Variants in ZFP37 observed in about 807,000 individuals in gnomAD.
The protein encoded by ZFP37 is ZFP37 zinc finger protein.
ZFP37 carries 38 observed loss-of-function variants against 52.1 expected under a neutral mutation model. That is an observed-to-expected ratio of 0.73 (90% confidence interval 0.56 to 0.96). ZFP37 has a LOEUF of 0.96. Ranked by LOEUF, ZFP37 falls within the 40% of genes least tolerant of loss-of-function variation. The pLI is 0.00. For missense variants in ZFP37, 695 were observed against 741.4 expected (o/e 0.94, Z 0.73); for synonymous variants, 253 against 259.5 (o/e 0.98, Z 0.24).
At position 113,043,185 on chromosome 9, in the gene ZFP37, A is replaced by G. The variant is rs1003345642; in HGVS notation, c.1433T>C (p.Ile478Thr). 1 of 1,613,814 alleles carries G rather than the reference A, an allele frequency of 6.2e-7. No homozygotes were observed. The highest frequency in any genetic ancestry group is 1.3e-5 in the African/African-American group (1 of 75,048). The stretch of plus-strand genomic sequence containing the variant: ...CTCCTTAGTATGAGTTCTTTGATGT[A>G]TAATGAGGTGTGACTTCTTGCTGAA... The part of the protein sequence containing the change: ...KAFSKKSHLI[I>T]HQRTHTKEKP... The change falls in exon 4 of 4, where the codon ATA becomes ACA. Residue 478 changes from isoleucine (I) to threonine (T), a missense_variant. Transcript: ENST00000374227.
rs771033037 is a variant in ZFP37 at position 113,042,981 on chromosome 9, T to A, written c.1637A>T (p.Glu546Val). ...AAAGGCTTTCCCACATTCATTACAC[T>A]CATACGGTTTCTCTCCAGTATGAAC... ...QRVHTGEKPY[E>V]CNECGKAFSQ... Residue 546 changes from glutamate to valine, a missense_variant, in exon 4 of 4, where the codon GAG (glutamate) becomes GTG (valine). Transcript: ENST00000374227. 6.2e-7 allele frequency: 1 copy of A among 1,613,958 alleles called. No individual in the cohort carries two copies.
chr9:113,052,841 C>T lies in ZFP37; in HGVS notation c.133-2969G>A, dbSNP rs1829080187. Among the ~76,000 whole-genome samples the T allele has an allele frequency of 6.6e-6, 1 of 152,158 alleles. No individual in the cohort carries two copies. The highest frequency in any genetic ancestry group is 2.4e-5 in the African/African-American group (1 of 41,440). On this transcript the variant is annotated intron_variant, in intron 1 of 3. Coordinates refer to ENST00000374227, the MANE Select transcript of ZFP37 (RefSeq NM_003408.3). This position sits in a 1 kb window ranked among gnomAD's most constrained non-coding sequence, Gnocchi z 4.1. ...TGGGATCCTTCCTGAAATCTAATTTCCCAGATGACAGCAAAAAGCAGACCT... is the reference window on the plus strand; with the variant it reads ...TGGGATCCTTCCTGAAATCTAATTTTCCAGATGACAGCAAAAAGCAGACCT...
chr9:113,040,599 G>A lies in ZFP37; in HGVS notation c.*2126C>T, dbSNP rs1177337063. On this transcript the variant is annotated 3_prime_UTR_variant, in exon 4 of 4. Transcript: ENST00000374227. The stretch of plus-strand genomic sequence containing the variant: ...CTCTGAAATGAGGTCAGGAAGGAAG[G>A]AGCTTGAATGATAAATATTTGTAAA... 6.6e-6 allele frequency: 1 copy of A among 152,164 alleles called. No individual in the cohort carries two copies. The highest frequency in any genetic ancestry group is 1.5e-5 in the Non-Finnish European group (1 of 68,026). 9.4% of individuals were successfully genotyped at this position (152,164 alleles called of 1,614,324 possible).
chr9:113,042,632 C>G lies in ZFP37; in HGVS notation c.*93G>C. The G allele has an allele frequency of 8.9e-7, 1 of 1,126,484 alleles. No individual in the cohort carries two copies. Among genetic ancestry groups the G allele is most frequent in the Non-Finnish European group, 1.2e-6 (1 of 820,214 alleles). The allele number at this position is 1,126,484 out of a possible 1,614,324, so 69.8% of individuals were successfully genotyped here. A position where few individuals can be genotyped will look rare whatever the true frequency, so the allele number is the denominator to read the frequency against. On this transcript the variant is annotated 3_prime_UTR_variant, in exon 4 of 4. Coordinates refer to ENST00000374227, the MANE Select transcript of ZFP37 (RefSeq NM_003408.3). ...TCTCATGTACAACAAGGTGTGACAT[C>G]TTGCTAAAGGCTTTCTAACACTCTT...
rs1828808440 is a variant in ZFP37, at chr9:113,039,193, A to G, written c.*3532T>C. Reference sequence around the variant, plus strand: ...TAGATTCCTCGATGGACTGCCGACCATCATAAGGCTTTGATGTATACTGTC... The same window carrying G: ...TAGATTCCTCGATGGACTGCCGACCGTCATAAGGCTTTGATGTATACTGTC... On this transcript the variant is annotated 3_prime_UTR_variant, in exon 4 of 4. Transcript: ENST00000374227. The G allele has an allele frequency of 6.6e-6, 1 of 152,164 alleles. No individual in the cohort carries two copies. Among genetic ancestry groups the G allele is most frequent in the Non-Finnish European group, 1.5e-5 (1 of 68,016 alleles). The allele number at this position is 152,164 out of a possible 1,614,324, so 9.4% of individuals were successfully genotyped here. A position where few individuals can be genotyped will look rare whatever the true frequency, so the allele number is the denominator to read the frequency against.
intron 3 of ZFP37, among the ~76,000 whole-genome samples, chr9:113,045,002 G>A (rs1828926597): frequency 6.6e-6 from 1 of 152,030 alleles, no homozygotes; most frequent in African/African-American, 2.4e-5. Context: ...GGTGAGGACT[G>A]GCTGAACTAT....
chr9:113,053,595 T>C (rs1355098707), intron 1 of ZFP37, among the ~76,000 whole-genome samples: 1 of 152,238 alleles, frequency 6.6e-6, no homozygotes, highest in African/African-American at 2.4e-5. Flanking sequence ...AACATTCTCC[T>C]TTTTAACTCT....
chr9:113,049,730 G>A (rs1430483841), intron 2 of ZFP37, 61 bp downstream of exon 2: 24 of 1,577,444 alleles, frequency 1.5e-5, no homozygotes, highest in Non-Finnish European at 1.9e-5. Flanking sequence ...AACTTATCAA[G>A]GACTCCAGAG....
intron 3 of ZFP37, among the ~76,000 whole-genome samples, chr9:113,047,691 A>C (rs1317003040): frequency 6.6e-6 from 1 of 152,240 alleles, no homozygotes; most frequent in Non-Finnish European, 1.5e-5. Flanking sequence ...GTGTGATGAC[A>C]CTGAAAATTG....
Position 113,049,271 on chromosome 9 carries a change from C to T in ZFP37, c.349+91G>A, listed in dbSNP as rs557413285. The T allele has an allele frequency of 2.1e-5, 29 of 1,381,276 alleles. No homozygotes were observed. In the South Asian group the frequency reaches 3.9e-4, roughly 18 times the overall value. 85.6% of individuals were successfully genotyped at this position (1,381,276 alleles called of 1,614,324 possible). A position where few individuals can be genotyped will look rare whatever the true frequency, so the allele number is the denominator to read the frequency against. On this transcript the variant is annotated intron_variant, in intron 3 of 3. Transcript: ENST00000374227. ...CAGGAAATCCTGATTTTTTCTATTG[C>T]TATTTTCTAGTTAAGAAAGAAAGGT...
At chr9:113,046,239 T>C (rs1474984865) in intron 3 of ZFP37, among the ~76,000 whole-genome samples, 1 of 136,166 alleles carries the variant, frequency 7.3e-6, no homozygotes, top group Non-Finnish European at 1.6e-5. Context: ...TCTATATATA[T>C]ATAGACAGAT....
At position 113,040,833 on chromosome 9, in the gene ZFP37, G is replaced by A. The variant is rs889683782; in HGVS notation, c.*1892C>T. On this transcript the variant is annotated 3_prime_UTR_variant, in exon 4 of 4. Transcript: ENST00000374227. ...GCCAAATTATAATATTTTATATTAT[G>A]TAAATTAATATTGTATTAAAATAAA... The A allele has an allele frequency of 5.9e-5, 9 of 152,120 alleles. No homozygotes were observed. The highest frequency in any genetic ancestry group is 2.0e-4 in the Admixed American group (3 of 15,282). 9.4% of individuals were successfully genotyped at this position (152,120 alleles called of 1,614,324 possible).
At position 113,043,223 on chromosome 9, in the gene ZFP37, T is replaced by C. The variant is rs567086517; in HGVS notation, c.1395A>G (p.Glu465=). The C allele has an allele frequency of 1.4e-4, 220 of 1,613,928 alleles. 3 individuals are homozygous for C. In the South Asian group the frequency reaches 2.3e-3, roughly 17 times the overall value. ...HTGEKPFECN[E]CGKAFSKKSH... is the part of the protein sequence containing the mutation. ...ACTTCTTGCTGAAAGCTTTCCCACA[T>C]TCATTACATTCAAAGGGTTTCTCAC... Residue 465 remains glutamate, a synonymous_variant, in exon 4 of 4, where the codon GAA becomes GAG. Transcript: ENST00000374227.
chr9:113,039,817 GAAAAACAGTTTAAAAATAATTTTTT>G lies in ZFP37; in HGVS notation c.*2883_*2907del, dbSNP rs1457104190. 2 of 151,972 alleles carry G rather than the reference GAAAAACAGTTTAAAAATAATTTTTT, an allele frequency of 1.3e-5. No individual in the cohort carries two copies. Among genetic ancestry groups the G allele is most frequent in the African/African-American group, 4.8e-5 (2 of 41,378 alleles). 9.4% of individuals were successfully genotyped at this position (151,972 alleles called of 1,614,324 possible). On this transcript the variant is annotated 3_prime_UTR_variant, in exon 4 of 4. Transcript: ENST00000374227. ...CCCTTCATTTTCTTAAAGAGGATCT[GAAAAACAGTTTAAAAATAATTTTTT>G]AAACTTACTTACACCATGATTTAGA...
rs749631653 is a variant in ZFP37 at position 113,056,607 on chromosome 9, C to T, written c.82G>A (p.Ala28Thr). 2.5e-6 allele frequency: 4 copies of T among 1,613,872 alleles called. No individual in the cohort carries two copies. Among genetic ancestry groups the T allele is most frequent in the African/African-American group, 2.7e-5 (2 of 74,940 alleles). Residue 28 changes from alanine to threonine, a missense_variant, in exon 1 of 4, where the codon GCC (alanine) becomes ACC (threonine). Ala to Thr is a moderately conservative substitution (Grantham distance 58). Coordinates refer to ENST00000374227, the MANE Select transcript of ZFP37 (RefSeq NM_003408.3). ...RRRSAETTKE[A>T]GRPLEMAVSE... ...ACAGCCATCTCCAGTGGTCGCCCGG[C>T]CTCTTTGGTCGTTTCCGCACTTCTC...
intron 1 of ZFP37, among the ~76,000 whole-genome samples, chr9:113,051,818 T>A (rs1829062689): frequency 6.6e-6 from 1 of 152,166 alleles, no homozygotes; most frequent in Non-Finnish European, 1.5e-5. Context: ...AGTCACTGAC[T>A]ACCAATAATT....
Position 113,039,486 on chromosome 9 carries a change from T to C in ZFP37, c.*3239A>G, listed in dbSNP as rs1828813351. On this transcript the variant is annotated 3_prime_UTR_variant, in exon 4 of 4. Coordinates refer to ENST00000374227, the MANE Select transcript of ZFP37 (RefSeq NM_003408.3). Reference sequence around the variant, plus strand: ...TTTTACCCTCTCTGGGTCTTTGCTTTTGTCACCATCTAAGTAAGCTTACTG... The same window carrying C: ...TTTTACCCTCTCTGGGTCTTTGCTTCTGTCACCATCTAAGTAAGCTTACTG... 1 of 152,106 alleles carries C rather than the reference T, an allele frequency of 6.6e-6. No homozygotes were observed. The highest frequency in any genetic ancestry group is 1.5e-5 in the Non-Finnish European group (1 of 68,030). 9.4% of individuals were successfully genotyped at this position (152,106 alleles called of 1,614,324 possible). A position where few individuals can be genotyped will look rare whatever the true frequency, so the allele number is the denominator to read the frequency against.
chr9:113,050,014 T>C (rs1829028622), intron 1 of ZFP37, 142 bp from the exon 2 acceptor site: 2 of 1,312,552 alleles, frequency 1.5e-6, no homozygotes, highest in East Asian at 5.0e-5. Flanking sequence ...TACTCACTGT[T>C]GATCATGATA....
intron 3 of ZFP37, among the ~76,000 whole-genome samples, chr9:113,046,928 GA>G (rs1413237068): frequency 6.6e-6 from 1 of 152,128 alleles, no homozygotes; most frequent in Non-Finnish European, 1.5e-5. Context: ...CTAACACGGT[GA>G]AACCCCGTCT....
Sources: allele counts gnomAD v4.1 joint callset (sites outside exome capture counted in the v4.1 genomes callset), GRCh38; gene constraint gnomAD v4.1.1; non-coding constraint Gnocchi (gnomAD v3.1); transcripts MANE v1.5; gene names NCBI Gene and HGNC (gene_info 2026-07-23, HGNC 2026-07-21).